ESYT2: variants seen among roughly 807,000 people sequenced by gnomAD.
ESYT2 encodes the protein extended synaptotagmin-2.
ESYT2 carries 54 observed loss-of-function variants against 107.2 expected under a neutral mutation model. The observed-to-expected ratio is 0.50, with a 90% confidence interval of 0.40 to 0.63. The LOEUF is 0.63. Ranked by LOEUF, ESYT2 falls within the 30% of genes least tolerant of loss-of-function variation. The pLI, the probability that ESYT2 is intolerant of heterozygous loss-of-function variation, is 0.00. For missense variants in ESYT2, 1,020 were observed against 1,094.5 expected (o/e 0.93, Z 0.96); for synonymous variants, 491 against 434.1 (o/e 1.13, Z -1.63).
At chr7:158,775,212 G>A (rs116740162) in intron 6 of ESYT2, among the ~76,000 whole-genome samples, 6 of 152,222 alleles carry the variant, frequency 3.9e-5, no homozygotes, top group South Asian at 2.1e-4. Flanking sequence ...AAATGCTAAC[G>A]ATCACATAAG....
intron 8 of ESYT2, 86 bp from the exon 9 acceptor site, chr7:158,764,939 C>T (rs1186611730): frequency 2.1e-5 from 28 of 1,364,250 alleles, no homozygotes; most frequent in African/African-American, 1.3e-4. Flanking sequence ...AACCCCGTCT[C>T]GAGAATTGGG....
chr7:158,784,662 G>C (rs1378377814), intron 6 of ESYT2, among the ~76,000 whole-genome samples: 1 of 152,214 alleles, frequency 6.6e-6, no homozygotes, highest in Non-Finnish European at 1.5e-5. Context: ...CACGTCATGA[G>C]ACATCAATAT....
chr7:158,807,427 T>C (rs1275282494), intron 1 of ESYT2, among the ~76,000 whole-genome samples: 2 of 152,194 alleles, frequency 1.3e-5, no homozygotes, highest in Non-Finnish European at 2.9e-5. Flanking sequence ...TAGGAAATTA[T>C]CGCGACTTAT....
chr7:158,809,350 T>C (rs1009872633), intron 1 of ESYT2, among the ~76,000 whole-genome samples: 2 of 151,330 alleles, frequency 1.3e-5, no homozygotes, highest in East Asian at 2.0e-4. Context: ...GTGGCGTGCA[T>C]CTGTAGTCCC....
intron 11 of ESYT2, among the ~76,000 whole-genome samples, chr7:158,760,504 G>A (rs1837922140): frequency 6.6e-6 from 1 of 152,124 alleles, no homozygotes. Flanking sequence ...TCTATGAATA[G>A]ACTTCTTTTT....
Position 158,760,155 on chromosome 7 carries a change from GA to G in ESYT2, c.1234-9del. 6.2e-7 allele frequency: 1 copy of G among 1,612,192 alleles called. No individual in the cohort carries two copies. The highest frequency in any genetic ancestry group is 8.5e-7 in the Non-Finnish European group (1 of 1,178,976). ...CTCGTCCAGAGTGAACCACTGAAGA[GA>G]AAAAATGTTTACGTTCAGCAAAAGT... On this transcript the variant is annotated splice_polypyrimidine_tract_variant and intron_variant, in intron 11 of 22. Transcript: ENST00000275418.
intron 6 of ESYT2, among the ~76,000 whole-genome samples, chr7:158,783,845 C>T (rs767689832): frequency 6.6e-6 from 1 of 152,104 alleles, no homozygotes; most frequent in Non-Finnish European, 1.5e-5. Flanking sequence ...GAGGCAGCTG[C>T]CACTGTAGAA....
chr7:158,819,129 C>T (rs1246026311), intron 1 of ESYT2, among the ~76,000 whole-genome samples: 1 of 152,232 alleles, frequency 6.6e-6, no homozygotes, highest in Non-Finnish European at 1.5e-5. Flanking sequence ...AGTTGTGACT[C>T]ATTATGGAGG....
chr7:158,788,239 C>T lies in ESYT2; in HGVS notation c.657+106G>A, dbSNP rs117497252. The T allele has an allele frequency of 1.2e-3, 1,496 of 1,234,772 alleles. 4 individuals are homozygous for T. Among genetic ancestry groups the T allele is most frequent in the Non-Finnish European group, 1.6e-3 (1,372 of 880,718 alleles). 76.5% of individuals were successfully genotyped at this position (1,234,772 alleles called of 1,614,324 possible). ...CTATGACCTACAGCTAAAAACTGAA[C>T]GTCAAAAAAATTCCAAGCTAAAAAA... On this transcript the variant is annotated intron_variant, in intron 5 of 22. Transcript: ENST00000275418.
chr7:158,770,810 T>C (rs1187535131), intron 7 of ESYT2, among the ~76,000 whole-genome samples: 1 of 152,146 alleles, frequency 6.6e-6, no homozygotes, highest in Non-Finnish European at 1.5e-5. Flanking sequence ...CCACCGCCCC[T>C]GGCCTTATGA....
Position 158,744,524 on chromosome 7 carries a change from G to C in ESYT2, c.1645-846C>G, listed in dbSNP as rs777299887. Among the ~76,000 whole-genome samples the C allele has an allele frequency of 7.5e-4, 114 of 152,022 alleles. 1 individual carries two copies. Among genetic ancestry groups the C allele is most frequent in the Non-Finnish European group, 2.5e-4 (17 of 68,004 alleles). ...CACATTAAAGAAAATTTACAGCAAGGCATTTAAAAATTTTTTAAAAAACAG... is the reference window on the plus strand; with the variant it reads ...CACATTAAAGAAAATTTACAGCAAGCCATTTAAAAATTTTTTAAAAAACAG... On this transcript the variant is annotated intron_variant, in intron 16 of 22. Coordinates refer to ENST00000275418, the MANE Select transcript of ESYT2 (RefSeq NM_001367773.1).
chr7:158,784,951 G>A (rs1282551229), intron 6 of ESYT2, among the ~76,000 whole-genome samples: 6 of 152,146 alleles, frequency 3.9e-5, no homozygotes, highest in African/African-American at 1.4e-4. Flanking sequence ...AGACCTCCGG[G>A]ATCCCCTCTA....
At chr7:158,808,306 G>C (rs574071503) in intron 1 of ESYT2, among the ~76,000 whole-genome samples, 1 of 152,314 alleles carries the variant, frequency 6.6e-6, no homozygotes, top group Admixed American at 6.5e-5. Flanking sequence ...CTCGAGACAC[G>C]AGCCCCGTCC....
At chr7:158,817,574 T>C (rs2129474167) in intron 1 of ESYT2, among the ~76,000 whole-genome samples, 1 of 152,336 alleles carries the variant, frequency 6.6e-6, no homozygotes, top group East Asian at 1.9e-4. Context: ...TGAACCAATG[T>C]ACCCACTTCC....
chr7:158,817,222 T>TGGCCGAC (rs2129474154), intron 1 of ESYT2, among the ~76,000 whole-genome samples: 1 of 152,270 alleles, frequency 6.6e-6, no homozygotes, highest in African/African-American at 2.4e-5. Context: ...GACACAGACT[T>TGGCCGAC]AAGACTGACA....
intron 1 of ESYT2, among the ~76,000 whole-genome samples, chr7:158,828,735 G>C (rs1377222585): frequency 1.3e-5 from 2 of 152,068 alleles, no homozygotes; most frequent in African/African-American, 2.4e-5. Context: ...GGACAGGTTC[G>C]CAGGGAGTGG....
intron 1 of ESYT2, among the ~76,000 whole-genome samples, chr7:158,811,059 CCAAGGTG>C (rs1262514450): frequency 6.9e-3 from 996 of 144,678 alleles, no homozygotes; most frequent in East Asian, 0.063. Flanking sequence ...CTCTGGGACG[CCAAGGTG>C]GGAGGATCAC....
At chr7:158,826,028 A>AAAC (rs1554428921) in intron 1 of ESYT2, among the ~76,000 whole-genome samples, 10 of 151,516 alleles carry the variant, frequency 6.6e-5, no homozygotes, top group African/African-American at 2.4e-4. Context: ...CTAGAAAAAA[A>AAAC]AAAAAACAAA....
intron 9 of ESYT2, among the ~76,000 whole-genome samples, chr7:158,764,220 G>A (rs994158515): frequency 6.6e-6 from 1 of 152,102 alleles, no homozygotes; most frequent in African/African-American, 2.4e-5. Flanking sequence ...AGGCCTCTCT[G>A]GGTAAACAGA....
Sources: gnomAD v4.1 joint callset for allele counts (sites outside exome capture counted in the v4.1 genomes callset) on GRCh38, gnomAD v4.1.1 for gene constraint, MANE v1.5 for transcripts, NCBI Gene and HGNC (gene_info 2026-07-23, HGNC 2026-07-21) for gene names.